NEGR1: variants seen among roughly 807,000 people sequenced by gnomAD.
NEGR1 encodes the protein neuronal growth regulator 1, also known as IgLON family member 4.
NEGR1 carries 10 observed loss-of-function variants against 40.9 expected under a neutral mutation model. That is an observed-to-expected ratio of 0.24 (90% CI 0.15 to 0.42). The LOEUF (loss-of-function observed/expected upper bound fraction) is 0.42. Among genes scored for constraint, NEGR1 ranks in the 10% least tolerant of loss-of-function variants. The probability of loss-of-function intolerance (pLI) is 1.00; values close to 1 mark genes in which losing one functional copy is unlikely to be tolerated. For synonymous variants in NEGR1, 185 were observed against 166.8 expected, an observed-to-expected ratio of 1.11 and a Z score of -0.84; for missense variants, 352 against 438.9, an observed-to-expected ratio of 0.80 and a Z score of 1.77.
chr1:72,060,747 A>C (rs1332951820), intron 1 of NEGR1, among the ~76,000 whole-genome samples: 1 of 151,690 alleles, frequency 6.6e-6, no homozygotes, highest in African/African-American at 2.4e-5. Flanking sequence ...CCATGTAATT[A>C]ACTAAGATGG....
chr1:71,792,590 G>C (rs1657157776), intron 2 of NEGR1, among the ~76,000 whole-genome samples: 1 of 151,950 alleles, frequency 6.6e-6, no homozygotes, highest in South Asian at 2.1e-4. Flanking sequence ...ATTTTTTCTA[G>C]TCAGTTATTT....
At chr1:71,867,931 C>T (rs1312898665) in intron 2 of NEGR1, among the ~76,000 whole-genome samples, 1 of 152,116 alleles carries the variant, frequency 6.6e-6, no homozygotes, top group Non-Finnish European at 1.5e-5. Flanking sequence ...ACCAATTCAT[C>T]ATTGATTTTG....
At chr1:71,691,969 A>G (rs1232440763) in intron 4 of NEGR1, among the ~76,000 whole-genome samples, 1 of 151,568 alleles carries the variant, frequency 6.6e-6, no homozygotes, top group Non-Finnish European at 1.5e-5. Flanking sequence ...TGAAACCCCA[A>G]GGTTGAGTTT....
chr1:71,609,965 C>T (rs763427360), intron 5 of NEGR1, among the ~76,000 whole-genome samples: 30 of 152,258 alleles, frequency 2.0e-4, no homozygotes, highest in Middle Eastern at 3.4e-3. Context: ...GGGTTTTCCC[C>T]GATTTGCTTG....
intron 4 of NEGR1, among the ~76,000 whole-genome samples, chr1:71,641,098 A>G (rs1316549180): frequency 6.6e-6 from 1 of 152,126 alleles, no homozygotes; most frequent in Non-Finnish European, 1.5e-5. Flanking sequence ...TTCTGAGGAC[A>G]CTGCTCATTA....
At chr1:71,926,135 A>C (rs1010548174) in intron 2 of NEGR1, among the ~76,000 whole-genome samples, 13 of 152,310 alleles carry the variant, frequency 8.5e-5, no homozygotes, top group Middle Eastern at 3.4e-3. Context: ...TAATCATTAA[A>C]GGGACTTTTA....
chr1:72,051,981 T>C (rs964395067), intron 1 of NEGR1, among the ~76,000 whole-genome samples: 3 of 151,322 alleles, frequency 2.0e-5, no homozygotes, highest in African/African-American at 7.3e-5. Flanking sequence ...AGTAAAAAAG[T>C]TCAAGAGATA....
chr1:71,638,430 A>G (rs1333992663), intron 4 of NEGR1, among the ~76,000 whole-genome samples: 1 of 152,092 alleles, frequency 6.6e-6, no homozygotes, highest in Non-Finnish European at 1.5e-5. Flanking sequence ...AAGATTAGAG[A>G]ATATAAAAAT....
intron 2 of NEGR1, among the ~76,000 whole-genome samples, chr1:71,849,210 T>C (rs534085071): frequency 6.6e-6 from 1 of 152,340 alleles, no homozygotes; most frequent in South Asian, 2.1e-4. Context: ...CCATTTTAGA[T>C]GTCATTAAGG....
intron 1 of NEGR1, among the ~76,000 whole-genome samples, chr1:72,048,929 T>G (rs757777522): frequency 2.0e-5 from 3 of 151,572 alleles, no homozygotes; most frequent in African/African-American, 4.8e-5. Context: ...TCTATTCTAA[T>G]GAAGGATCCA....
At chr1:72,120,207 A>C (rs1649743921) in intron 1 of NEGR1, among the ~76,000 whole-genome samples, 1 of 152,028 alleles carries the variant, frequency 6.6e-6, no homozygotes, top group Non-Finnish European at 1.5e-5. Context: ...GATGGTAAAA[A>C]GCATATTAGA....
intron 1 of NEGR1, among the ~76,000 whole-genome samples, chr1:72,251,967 G>C (rs778495416): frequency 3.9e-5 from 6 of 152,074 alleles, no homozygotes; most frequent in Non-Finnish European, 8.8e-5. Flanking sequence ...TTTAATGTAT[G>C]GCTATCATAG....
intron 2 of NEGR1, among the ~76,000 whole-genome samples, chr1:71,873,118 C>CAAAAAAAAAAAAAAAA (rs34592789): frequency 1.2e-5 from 1 of 81,846 alleles, no homozygotes; most frequent in Non-Finnish European, 2.4e-5. Flanking sequence ...AAAGATGTAG[C>CAAAAAAAAAAAAAAAA]AAAAAAAAAA....
intron 1 of NEGR1, among the ~76,000 whole-genome samples, chr1:72,113,985 T>C (rs1206071135): frequency 6.6e-6 from 1 of 151,770 alleles, no homozygotes; most frequent in African/African-American, 2.4e-5. Context: ...ACTTGTGTAA[T>C]GTTATGTTAT....
intron 4 of NEGR1, among the ~76,000 whole-genome samples, chr1:71,632,530 A>G (rs1019545380): frequency 6.6e-6 from 1 of 150,822 alleles, no homozygotes; most frequent in African/African-American, 2.4e-5. Flanking sequence ...GATTGCATAA[A>G]CTATTATATT....
chr1:71,467,796 G>T (rs1322536314), intron 6 of NEGR1, among the ~76,000 whole-genome samples: 2 of 151,898 alleles, frequency 1.3e-5, no homozygotes, highest in Admixed American at 6.6e-5. Flanking sequence ...CTTATATATA[G>T]CACATTTAAA....
intron 2 of NEGR1, among the ~76,000 whole-genome samples, chr1:71,885,038 A>G (rs898659587): frequency 3.3e-5 from 5 of 152,160 alleles, no homozygotes; most frequent in African/African-American, 1.2e-4. Context: ...GACTTAAACT[A>G]TAGAAGTGTT....
intron 2 of NEGR1, among the ~76,000 whole-genome samples, chr1:71,814,891 G>T (rs1461172021): frequency 6.6e-6 from 1 of 151,872 alleles, no homozygotes; most frequent in African/African-American, 2.4e-5. Context: ...AAAGATTTTT[G>T]TGTCACTTTC....
At chr1:71,844,389 A>G (rs1044432592) in intron 2 of NEGR1, among the ~76,000 whole-genome samples, 3 of 152,182 alleles carry the variant, frequency 2.0e-5, no homozygotes, top group Non-Finnish European at 4.4e-5. Context: ...AGAGGGTCAT[A>G]ATACTGAATC....
Sources: allele counts gnomAD v4.1 joint callset (sites outside exome capture counted in the v4.1 genomes callset), GRCh38; gene constraint gnomAD v4.1.1; transcripts MANE v1.5; gene names NCBI Gene and HGNC (gene_info 2026-07-23, HGNC 2026-07-21).